The following FBLIM1 variants were observed in gnomAD, a reference collection of about 807,000 sequenced individuals.
The protein encoded by FBLIM1 is filamin-binding LIM protein 1.
In FBLIM1, 29 loss-of-function variants were observed where a neutral mutation model predicts 37.4. The observed-to-expected ratio is 0.77, with a 90% CI of 0.58 to 1.06. The LOEUF (loss-of-function observed/expected upper bound fraction) is 1.06. Among genes scored for constraint, FBLIM1 ranks in the 50% least tolerant of loss-of-function variants. The pLI, the probability that FBLIM1 is intolerant of heterozygous loss-of-function variation, is 0.00. For synonymous variants in FBLIM1, 193 were observed against 199.0 expected, an observed-to-expected ratio of 0.97 and a Z score of 0.25; for missense variants, 449 against 505.6, an observed-to-expected ratio of 0.89 and a Z score of 1.07.
upstream of FBLIM1, chr1:15,758,661 CG>C (rs2068510594): frequency 6.9e-6 from 1 of 145,818 alleles, no homozygotes; most frequent in Non-Finnish European, 1.5e-5. This position sits in a 1 kb window ranked among gnomAD's most constrained non-coding sequence, Gnocchi z 6.2. Context: ...GCCGCTTCCG[CG>C]GGGCGGGAAT....
At chr1:15,777,073 C>G (rs552904862) in intron 7 of FBLIM1, 97 bp from the exon 8 acceptor site, 249 of 898,234 alleles carry the variant, frequency 2.8e-4, no homozygotes, top group Non-Finnish European at 3.9e-4. Flanking sequence ...TGAAATTGCT[C>G]AGGAGGTGAA....
intron 1 of FBLIM1, among the ~76,000 whole-genome samples, chr1:15,760,525 G>A (rs2068619871): frequency 1.3e-5 from 1 of 79,470 alleles, no homozygotes. Flanking sequence ...GCAAGATTCT[G>A]TCTCAGAAAA....
chr1:15,784,727 C>T lies in FBLIM1; in HGVS notation c.*66C>T, dbSNP rs2069734185. ...GGGGCCCTTCCCTGACTTGGTTTCC[C>T]TTCCTAACCTGCTCTTGCACACTTT... On this transcript the variant is annotated 3_prime_UTR_variant, in exon 9 of 9. Transcript: ENST00000375766. 2 of 1,375,852 alleles carry T rather than the reference C, an allele frequency of 1.5e-6. No individual in the cohort carries two copies. The highest frequency in any genetic ancestry group is 2.1e-6 in the Non-Finnish European group (2 of 972,152). 85.2% of individuals were successfully genotyped at this position (1,375,852 alleles called of 1,614,324 possible).
chr1:15,784,830 G>A lies in FBLIM1; in HGVS notation c.*169G>A. 1 of 534,802 alleles carries A rather than the reference G, an allele frequency of 1.9e-6. No individual in the cohort carries two copies. The highest frequency in any genetic ancestry group is 3.4e-6 in the Non-Finnish European group (1 of 296,918). The allele number at this position is 534,802 out of a possible 1,614,324, so 33.1% of individuals were successfully genotyped here. A position where few individuals can be genotyped will look rare whatever the true frequency, so the allele number is the denominator to read the frequency against. On this transcript the variant is annotated 3_prime_UTR_variant, in exon 9 of 9. Transcript: ENST00000375766. ...ATACAGTGGGGCTGAGCACCCCCAG[G>A]CCTTCCACTCCTCTACCCTCTGGGC...
intron 8 of FBLIM1, among the ~76,000 whole-genome samples, chr1:15,781,779 T>C (rs1363378389): frequency 7.7e-5 from 11 of 142,052 alleles, no homozygotes; most frequent in African/African-American, 2.3e-4. Flanking sequence ...AGTGCAGTGG[T>C]GCAATCTCGG....
At chr1:15,762,092 CTT>C (rs748578114) in intron 1 of FBLIM1, among the ~76,000 whole-genome samples, 2 of 142,412 alleles carry the variant, frequency 1.4e-5, no homozygotes, top group Non-Finnish European at 1.5e-5. Context: ...TTATGCTTTT[CTT>C]TTTTTTTTTT....
At chr1:15,783,113 T>C (rs1013496901) in intron 8 of FBLIM1, among the ~76,000 whole-genome samples, 1 of 151,968 alleles carries the variant, frequency 6.6e-6, no homozygotes, top group African/African-American at 2.4e-5. Context: ...GACTCTTTTG[T>C]GGGATCAGTG....
chr1:15,782,209 C>T (rs1188928781), intron 8 of FBLIM1, among the ~76,000 whole-genome samples: 2 of 151,014 alleles, frequency 1.3e-5, no homozygotes, highest in African/African-American at 4.9e-5. Context: ...CCCAGGAGTT[C>T]GAAGCCAGCC....
chr1:15,767,721 C>T (rs1171495762), intron 4 of FBLIM1, among the ~76,000 whole-genome samples, 158 bp downstream of exon 4: 1 of 152,092 alleles, frequency 6.6e-6, no homozygotes, highest in Non-Finnish European at 1.5e-5. Context: ...TCAGAAGTCC[C>T]TATTTAGGCA....
In FBLIM1 at chr1:15,784,798, G is replaced by C; in HGVS notation, c.*137G>C. Reference sequence around the variant, plus strand: ...ACCAGCCTGCAAGCCGGCCCAGCCTGTCCAGGATACAGTGGGGCTGAGCAC... The same window carrying C: ...ACCAGCCTGCAAGCCGGCCCAGCCTCTCCAGGATACAGTGGGGCTGAGCAC... On this transcript the variant is annotated 3_prime_UTR_variant, in exon 9 of 9. Transcript: ENST00000375766. The C allele has an allele frequency of 1.4e-6, 1 of 695,318 alleles. No individual in the cohort carries two copies. The highest frequency in any genetic ancestry group is 2.4e-6 in the Non-Finnish European group (1 of 411,120). The allele number at this position is 695,318 out of a possible 1,614,324, so 43.1% of individuals were successfully genotyped here.
At chr1:15,768,046 C>A (rs1405695954) in intron 4 of FBLIM1, among the ~76,000 whole-genome samples, 2 of 152,104 alleles carry the variant, frequency 1.3e-5, no homozygotes, top group Non-Finnish European at 2.9e-5. Context: ...CCATGCCTGG[C>A]TAATTTATTG....
intron 3 of FBLIM1, among the ~76,000 whole-genome samples, chr1:15,766,891 CTTTT>C (rs36087502): frequency 1.5e-5 from 2 of 133,222 alleles, no homozygotes. Flanking sequence ...CTGCACCCGG[CTTTT>C]TTTTTTTTTT....
intron 1 of FBLIM1, among the ~76,000 whole-genome samples, chr1:15,762,929 G>A (rs1012068254): frequency 3.3e-5 from 5 of 152,188 alleles, no homozygotes; most frequent in African/African-American, 1.2e-4. Context: ...TTCACCCTGT[G>A]GGGGCAGGAC....
At chr1:15,782,872 G>A (rs909002778) in intron 8 of FBLIM1, among the ~76,000 whole-genome samples, 5 of 148,942 alleles carry the variant, frequency 3.4e-5, no homozygotes, top group African/African-American at 7.4e-5. Flanking sequence ...GCAGTGGCGC[G>A]ATCTCAGCAA....
rs1056816100 is a variant in FBLIM1 at position 15,770,725 on chromosome 1, G to A, written c.711+147G>A. 5 of 1,031,812 alleles carry A rather than the reference G, an allele frequency of 4.8e-6. No homozygotes were observed. In the African/African-American group the frequency reaches 6.4e-5, roughly 13 times the overall value. The allele number at this position is 1,031,812 out of a possible 1,614,324, so 63.9% of individuals were successfully genotyped here. On this transcript the variant is annotated intron_variant, in intron 6 of 8. Transcript: ENST00000375766. ...GGAAACTGAGGCTCAGAAAGAAGGA[G>A]CCCAGTGAAGGCGATTGGTTTCCTA...
chr1:15,776,882 AAAAG>A (rs1376115468), intron 7 of FBLIM1: 1 of 254,572 alleles, frequency 3.9e-6, no homozygotes, highest in Non-Finnish European at 7.4e-6. Flanking sequence ...AAAAAAAAAA[AAAAG>A]AAGTACTGAA....
At chr1:15,779,831 T>C (rs943880013) in intron 8 of FBLIM1, among the ~76,000 whole-genome samples, 1 of 152,144 alleles carries the variant, frequency 6.6e-6, no homozygotes, top group Non-Finnish European at 1.5e-5. Flanking sequence ...AAGGGTCCTA[T>C]GCTAGTTTTG....
chr1:15,786,177 G>A lies in FBLIM1; in HGVS notation c.*1516G>A, dbSNP rs2069762916. The A allele has an allele frequency of 6.7e-6, 1 of 150,030 alleles. No individual in the cohort carries two copies. Among genetic ancestry groups the A allele is most frequent in the African/African-American group, 2.4e-5 (1 of 41,346 alleles). 9.3% of individuals were successfully genotyped at this position (150,030 alleles called of 1,614,324 possible). A position where few individuals can be genotyped will look rare whatever the true frequency, so the allele number is the denominator to read the frequency against. ...TGGAAGATTCTTCTTCCCTTTGAAG[G>A]AGAATCATCATTGTTGCTTTATCAC... On this transcript the variant is annotated 3_prime_UTR_variant, in exon 9 of 9. Coordinates refer to ENST00000375766, the MANE Select transcript of FBLIM1 (RefSeq NM_017556.4).
rs2068831043 is a variant in FBLIM1, at chr1:15,764,704, T to A, written c.-21+19T>A. ...ATCATTGGTGAGGGCTGCCCTTTGC[T>A]CCCCTAGGTGTGCAGGTTCGGGGGA... On this transcript the variant is annotated intron_variant, in intron 2 of 8. Coordinates refer to ENST00000375766, the MANE Select transcript of FBLIM1 (RefSeq NM_017556.4). The A allele has an allele frequency of 2.1e-6, 1 of 483,874 alleles. No homozygotes were observed. Among genetic ancestry groups the A allele is most frequent in the South Asian group, 3.3e-5 (1 of 30,682 alleles). The allele number at this position is 483,874 out of a possible 1,614,324, so 30.0% of individuals were successfully genotyped here.
Sources: gnomAD v4.1 joint callset for allele counts (sites outside exome capture counted in the v4.1 genomes callset) on GRCh38, gnomAD v4.1.1 for gene constraint, Gnocchi (gnomAD v3.1) non-coding constraint, MANE v1.5 for transcripts, NCBI Gene and HGNC (gene_info 2026-07-23, HGNC 2026-07-21) for gene names.